The following C7orf78 variants were observed in gnomAD, a reference collection of about 807,000 sequenced individuals.
The protein encoded by C7orf78 is chromosome 7 open reading frame 78, also known as putative uncharacterized protein C7orf78.
At chr7:12,540,878 T>C in the C7orf78 span, 5 of 152,234 alleles carry the variant, frequency 3.3e-5, no homozygotes, top group African/African-American at 4.8e-5. Flanking sequence ...TAGAAACTGA[T>C]TCAGTGAATT....
the C7orf78 span, among the ~76,000 whole-genome samples, chr7:12,497,482 CGGGAAAAT>C: frequency 1.6e-4 from 1 of 6,280 alleles, no homozygotes; most frequent in Non-Finnish European, 3.4e-4. Context: ...CCTGGAGAAT[CGGGAAAAT>C]CGGGTCACTC....
At chr7:12,532,818 C>T in the C7orf78 span, among the ~76,000 whole-genome samples, 1 of 152,044 alleles carries the variant, frequency 6.6e-6, no homozygotes, top group Non-Finnish European at 1.5e-5. Flanking sequence ...TAAGATTGAT[C>T]TTTGGATTTC....
the C7orf78 span, chr7:12,483,422 A>T: frequency 6.6e-6 from 1 of 152,208 alleles, no homozygotes; most frequent in Non-Finnish European, 1.5e-5. Context: ...ACACACTTTG[A>T]TTAAGGTTTT....
At chr7:12,484,882 C>A in the C7orf78 span, among the ~76,000 whole-genome samples, 1 of 152,066 alleles carries the variant, frequency 6.6e-6, no homozygotes, top group Non-Finnish European at 1.5e-5. Flanking sequence ...GCTCCTCCCC[C>A]AAATTTGCCT....
chr7:12,490,191 G>A, the C7orf78 span, among the ~76,000 whole-genome samples: 2 of 152,030 alleles, frequency 1.3e-5, no homozygotes, highest in Non-Finnish European at 2.9e-5. Flanking sequence ...ACAAAGTAGT[G>A]GTCTATTTAC....
At chr7:12,536,429 G>A in the C7orf78 span, among the ~76,000 whole-genome samples, 1 of 152,074 alleles carries the variant, frequency 6.6e-6, no homozygotes, top group South Asian at 2.1e-4. Context: ...CACAGCACGG[G>A]GACCCTGGTC....
chr7:12,537,001 T>TCTTCTGAGCC, the C7orf78 span, among the ~76,000 whole-genome samples: 6 of 152,258 alleles, frequency 3.9e-5, no homozygotes, highest in East Asian at 1.2e-3. Context: ...TTTCCTCTCT[T>TCTTCTGAGCC]CTTCTGAGCC....
the C7orf78 span, among the ~76,000 whole-genome samples, chr7:12,500,574 T>G: frequency 1.3e-5 from 2 of 150,656 alleles, no homozygotes; most frequent in Non-Finnish European, 1.5e-5. Flanking sequence ...GATCTGAAAT[T>G]GTGGCAATAA....
the C7orf78 span, chr7:12,491,093 A>C: frequency 1.3e-5 from 2 of 152,102 alleles, no homozygotes; most frequent in African/African-American, 4.8e-5. Context: ...TACTTAGAAA[A>C]CATGGCCTTG....
chr7:12,521,644 C>CTTTTTTTTTTTTTTTTTTTGTTTTGTTT, the C7orf78 span, among the ~76,000 whole-genome samples: 1 of 124,796 alleles, frequency 8.0e-6, no homozygotes, highest in African/African-American at 3.0e-5. Flanking sequence ...TGGGTTTGGG[C>CTTTTTTTTTTTTTTTTTTTGTTTTGTTT]TTTTTTTTTT....
At chr7:12,498,355 A>G in the C7orf78 span, among the ~76,000 whole-genome samples, 1 of 151,024 alleles carries the variant, frequency 6.6e-6, no homozygotes, top group African/African-American at 2.4e-5. Flanking sequence ...AGAAGAATGT[A>G]TAACTAGAAT....
At chr7:12,537,917 T>C in the C7orf78 span, among the ~76,000 whole-genome samples, 3 of 152,152 alleles carry the variant, frequency 2.0e-5, no homozygotes, top group South Asian at 2.1e-4. Flanking sequence ...TATATATATA[T>C]ACACATATCT....
the C7orf78 span, chr7:12,541,238 T>C: frequency 2.6e-5 from 4 of 152,210 alleles, no homozygotes; most frequent in Non-Finnish European, 2.9e-5. Flanking sequence ...GATGCTCTAG[T>C]CTCAGGTAAA....
chr7:12,515,456 A>G, the C7orf78 span, among the ~76,000 whole-genome samples: 9 of 152,184 alleles, frequency 5.9e-5, no homozygotes, highest in African/African-American at 2.2e-4. Context: ...ATATGTCTTT[A>G]TCAGCAGTGT....
At chr7:12,506,892 G>A in the C7orf78 span, 7 of 475,608 alleles carry the variant, frequency 1.5e-5, no homozygotes, top group Admixed American at 1.6e-4. Context: ...ACAAGTTTAA[G>A]AACATGTTTT....
the C7orf78 span, among the ~76,000 whole-genome samples, chr7:12,511,918 ATTTTTTTTTTTTTTTTTTTT>A: frequency 1.2e-5 from 1 of 80,578 alleles, no homozygotes; most frequent in African/African-American, 6.0e-5. Context: ...CACCTGGCTA[ATTTTTTTTTTTTTTTTTTTT>A]TTTTTTTTTT....
chr7:12,506,385 C>T, the C7orf78 span, among the ~76,000 whole-genome samples: 1 of 152,086 alleles, frequency 6.6e-6, no homozygotes, highest in African/African-American at 2.4e-5. Context: ...AGACTTGGAA[C>T]CAACCCACTT....
At chr7:12,492,240 A>G in the C7orf78 span, among the ~76,000 whole-genome samples, 11 of 152,216 alleles carry the variant, frequency 7.2e-5, no homozygotes, top group Non-Finnish European at 1.3e-4. Flanking sequence ...GCACTGGAGT[A>G]TAGTTACATT....
At chr7:12,489,913 T>C in the C7orf78 span, among the ~76,000 whole-genome samples, 1 of 152,152 alleles carries the variant, frequency 6.6e-6, no homozygotes, top group African/African-American at 2.4e-5. Flanking sequence ...GTACATTTCA[T>C]GGAAGACCCT....
Sources: allele counts gnomAD v4.1 joint callset (sites outside exome capture counted in the v4.1 genomes callset), GRCh38; gene constraint gnomAD v4.1.1; transcripts MANE v1.5; gene names NCBI Gene and HGNC (gene_info 2026-07-23, HGNC 2026-07-21).